ITGA4: variants seen among roughly 807,000 people sequenced by gnomAD.
The protein encoded by ITGA4 is integrin subunit alpha 4.
ITGA4 carries 63 observed loss-of-function variants against 133.6 expected under a neutral mutation model. The ratio of observed to expected loss-of-function variants is 0.47; its 90% CI spans 0.38 to 0.58. ITGA4 has a LOEUF of 0.58. Ranked by LOEUF, ITGA4 falls within the 20% of genes least tolerant of loss-of-function variation. The pLI, the probability that ITGA4 is intolerant of heterozygous loss-of-function variation, is 0.00. For synonymous variants in ITGA4, 483 were observed against 438.0 expected (o/e 1.10, Z -1.28); for missense variants, 1,076 against 1,252.7 (o/e 0.86, Z 2.13).
chr2:181,519,474 G>C (rs1258595686), intron 17 of ITGA4, among the ~76,000 whole-genome samples: 2 of 151,928 alleles, frequency 1.3e-5, no homozygotes, highest in African/African-American at 4.8e-5. Flanking sequence ...TAGAAAAAAA[G>C]AGGAAGAATT....
intron 4 of ITGA4, among the ~76,000 whole-genome samples, chr2:181,478,460 C>T (rs1480837021): frequency 1.3e-5 from 2 of 151,968 alleles, no homozygotes; most frequent in Non-Finnish European, 2.9e-5. Flanking sequence ...AAAAAGAAAG[C>T]ATGGGCTCAA....
intron 17 of ITGA4, among the ~76,000 whole-genome samples, chr2:181,519,805 T>A (rs949025560): frequency 6.6e-6 from 1 of 152,152 alleles, no homozygotes; most frequent in Non-Finnish European, 1.5e-5. Context: ...ATAAACACGG[T>A]TTAAGGCTAT....
chr2:181,524,624 G>A (rs1317693032), intron 20 of ITGA4, among the ~76,000 whole-genome samples: 1 of 152,140 alleles, frequency 6.6e-6, no homozygotes, highest in East Asian at 1.9e-4. Flanking sequence ...ACTATTTCAT[G>A]AGTGAAGTTT....
intron 15 of ITGA4, among the ~76,000 whole-genome samples, chr2:181,509,251 A>G (rs780307668): frequency 2.1e-4 from 32 of 151,008 alleles, no homozygotes; most frequent in Non-Finnish European, 4.1e-4. Context: ...TTGTTGAGAG[A>G]TATAAAGAGA....
intron 4 of ITGA4, 93 bp downstream of exon 4, chr2:181,475,381 G>T: frequency 1.0e-6 from 1 of 987,200 alleles, no homozygotes; most frequent in South Asian, 1.5e-5. Context: ...ATGTTCAGAG[G>T]AGAGGGAGAT....
chr2:181,514,712 A>G (rs937317816), intron 17 of ITGA4, among the ~76,000 whole-genome samples: 1 of 152,072 alleles, frequency 6.6e-6, no homozygotes, highest in East Asian at 1.9e-4. Context: ...ATTTTCTTAA[A>G]TCAGACACTT....
intron 26 of ITGA4, 90 bp from the exon 27 acceptor site, chr2:181,534,713 ATACTACTGGGGAT>A (rs1687018828): frequency 5.0e-6 from 5 of 993,578 alleles, no homozygotes; most frequent in Middle Eastern, 2.6e-4. Context: ...GCAGTTCTAA[ATACTACTGGGGAT>A]TATGGCAGGG....
intron 17 of ITGA4, among the ~76,000 whole-genome samples, chr2:181,513,306 G>T (rs566221692): frequency 6.6e-6 from 1 of 152,082 alleles, no homozygotes; most frequent in Non-Finnish European, 1.5e-5. Flanking sequence ...TTCCCTATTA[G>T]ACATGTCCTT....
chr2:181,527,199 G>T (rs1375953511), intron 21 of ITGA4, 98 bp from the exon 22 acceptor site: 1 of 670,606 alleles, frequency 1.5e-6, no homozygotes, highest in Admixed American at 2.6e-5. Context: ...ATTCCATGGT[G>T]ACTTGTAAAT....
chr2:181,530,478 T>A (rs746633853), intron 23 of ITGA4, 46 bp from the exon 24 acceptor site: 1 of 1,563,346 alleles, frequency 6.4e-7, no homozygotes, highest in South Asian at 1.2e-5. Flanking sequence ...TTGCTGTTTT[T>A]TCCAGTGTTG....
intron 2 of ITGA4, among the ~76,000 whole-genome samples, chr2:181,464,806 ATGAC>A (rs1685373431): frequency 2.0e-5 from 3 of 152,094 alleles, no homozygotes; most frequent in Admixed American, 6.6e-5. Context: ...GAGCTTGGAA[ATGAC>A]TGTCTTTAAA....
chr2:181,463,187 T>C (rs1685328446), intron 2 of ITGA4, among the ~76,000 whole-genome samples: 1 of 152,152 alleles, frequency 6.6e-6, no homozygotes, highest in Non-Finnish European at 1.5e-5. Flanking sequence ...CACGATGCTT[T>C]TGAAGAACTA....
intron 2 of ITGA4, among the ~76,000 whole-genome samples, chr2:181,461,432 C>T (rs1351834860): frequency 1.3e-5 from 2 of 151,642 alleles, no homozygotes; most frequent in Non-Finnish European, 2.9e-5. Context: ...GGGTCTGGGC[C>T]CAGACTTGCT....
chr2:181,526,857 A>G (rs1686842416), intron 21 of ITGA4, among the ~76,000 whole-genome samples: 2 of 16,154 alleles, frequency 1.2e-4, no homozygotes, highest in Admixed American at 9.1e-4. Flanking sequence ...TTTTTTTAAG[A>G]GTCTCGCTCT....
chr2:181,524,104 A>C, intron 19 of ITGA4, 67 bp from the exon 20 acceptor site: 1 of 1,051,076 alleles, frequency 9.5e-7, no homozygotes, highest in Non-Finnish European at 1.4e-6. Context: ...TTTAAGAAAA[A>C]AATTCAGATT....
At chr2:181,484,791 A>G (rs1394881146) in intron 9 of ITGA4, among the ~76,000 whole-genome samples, 1 of 152,206 alleles carries the variant, frequency 6.6e-6, no homozygotes, top group Non-Finnish European at 1.5e-5. Flanking sequence ...GGAAGAAGTG[A>G]TTCCCTTTGG....
intron 9 of ITGA4, among the ~76,000 whole-genome samples, chr2:181,484,510 G>T (rs1436774315): frequency 1.3e-5 from 2 of 152,158 alleles, no homozygotes; most frequent in Non-Finnish European, 1.5e-5. Context: ...TTGCCCAGGA[G>T]CCAAGCTGTT....
At chr2:181,531,131 AT>A (rs1686936995) in intron 24 of ITGA4, among the ~76,000 whole-genome samples, 1 of 151,796 alleles carries the variant, frequency 6.6e-6, no homozygotes, top group Non-Finnish European at 1.5e-5. Flanking sequence ...AAAAAAAAAA[AT>A]GTTATACAGT....
chr2:181,508,477 C>A (rs989818216), intron 15 of ITGA4, among the ~76,000 whole-genome samples: 1 of 151,990 alleles, frequency 6.6e-6, no homozygotes, highest in Non-Finnish European at 1.5e-5. Context: ...GGGTGGATCA[C>A]TTGAGGTCAG....
Sources: allele counts gnomAD v4.1 joint callset (sites outside exome capture counted in the v4.1 genomes callset), GRCh38; gene constraint gnomAD v4.1.1; transcripts MANE v1.5; gene names NCBI Gene and HGNC (gene_info 2026-07-23, HGNC 2026-07-21).